The following FGF13 variants were observed in gnomAD, a reference collection of about 807,000 sequenced individuals.
FGF13 encodes fibroblast growth factor 13.
Under a neutral mutation model 19.5 loss-of-function variants are expected in FGF13, and 2 were observed. That is an observed-to-expected ratio of 0.10 (90% CI 0.04 to 0.32). FGF13 has a LOEUF of 0.32. Among genes scored for constraint, FGF13 ranks in the 10% least tolerant of loss-of-function variants. The pLI is 1.00. For missense variants in FGF13, 113 were observed against 192.7 expected, an observed-to-expected ratio of 0.59 and a Z score of 2.45; for synonymous variants, 72 against 76.9, an observed-to-expected ratio of 0.94 and a Z score of 0.33.
chrX:138,858,977 G>A (rs1161462309), intron 2 of FGF13, among the ~76,000 whole-genome samples: 1 of 111,874 alleles, frequency 8.9e-6, no homozygotes, highest in Non-Finnish European at 1.9e-5. Flanking sequence ...ATGAGGGATT[G>A]TTGTCTTCCT....
At chrX:138,765,152 A>G (rs2090494104) in intron 3 of FGF13, among the ~76,000 whole-genome samples, 1 of 112,162 alleles carries the variant, frequency 8.9e-6, no homozygotes. Context: ...ATGAGGCAAT[A>G]ATATATCATT....
chrX:139,092,947 C>T (rs1042186530), intron 1 of FGF13, among the ~76,000 whole-genome samples: 43 of 112,100 alleles, frequency 3.8e-4, no homozygotes, highest in Admixed American at 3.5e-3. Flanking sequence ...TCTGTACCAA[C>T]AGAACACATC....
chrX:139,121,449 G>A (rs1481269767), intron 1 of FGF13, among the ~76,000 whole-genome samples: 1 of 111,224 alleles, frequency 9.0e-6, no homozygotes, highest in East Asian at 2.8e-4. Context: ...ATCCAGGCTG[G>A]AGCACAGTGG....
intron 3 of FGF13, among the ~76,000 whole-genome samples, chrX:138,792,451 A>G (rs1328856521): frequency 6.3e-5 from 7 of 111,689 alleles, no homozygotes; most frequent in Non-Finnish European, 1.3e-4. Context: ...TCCCTAGAGC[A>G]TGTGACCAAA....
At chrX:138,796,023 C>T (rs1176341967) in intron 3 of FGF13, among the ~76,000 whole-genome samples, 3 of 109,746 alleles carry the variant, frequency 2.7e-5, no homozygotes, top group Non-Finnish European at 3.8e-5. Flanking sequence ...ACACATTCTT[C>T]TTGAATTTTT....
chrX:139,136,192 G>GT (rs1298274527), intron 1 of FGF13, among the ~76,000 whole-genome samples: 1 of 110,863 alleles, frequency 9.0e-6, no homozygotes, highest in Non-Finnish European at 1.9e-5. Flanking sequence ...TATGAGTGTT[G>GT]TTTTTTCAAT....
chrX:138,893,178 G>A (rs2091486145), intron 1 of FGF13, among the ~76,000 whole-genome samples: 1 of 111,601 alleles, frequency 9.0e-6, no homozygotes, highest in Non-Finnish European at 1.9e-5. Flanking sequence ...GAAAAGGTCA[G>A]ATGGTATGAG....
At chrX:138,840,337 A>G (rs2091141955) in intron 3 of FGF13, among the ~76,000 whole-genome samples, 1 of 111,830 alleles carries the variant, frequency 8.9e-6, no homozygotes, top group Admixed American at 9.5e-5. Context: ...TCAGTTGGAT[A>G]AACAAACATC....
At position 138,626,034 on chromosome X, in the gene FGF13, G is replaced by T. The variant is rs1396548314; in HGVS notation, c.*6816C>A. 9.0e-6 allele frequency: 1 copy of T among 110,824 alleles called. No individual in the cohort carries two copies. 9.1% of individuals were successfully genotyped at this position (110,824 alleles called of 1,213,427 possible). On this transcript the variant is annotated 3_prime_UTR_variant, in exon 5 of 5. Transcript: ENST00000315930. ...TAGGCAAGGTTGTGAATCATACTTT[G>T]CTCAGAGTCTATTTTCTTTCTTTCA...
chrX:138,845,147 A>G (rs937771372), intron 3 of FGF13, among the ~76,000 whole-genome samples: 1 of 111,314 alleles, frequency 9.0e-6, no homozygotes, highest in African/African-American at 3.3e-5. Flanking sequence ...AAATATATTT[A>G]GCGGGTTTAA....
At chrX:139,198,781 T>A (rs1218321432) in intron 1 of FGF13, among the ~76,000 whole-genome samples, 1 of 110,963 alleles carries the variant, frequency 9.0e-6, no homozygotes, top group Non-Finnish European at 1.9e-5. Context: ...AGGAAAAAAA[T>A]GGCCATCCAA....
intron 1 of FGF13, among the ~76,000 whole-genome samples, chrX:139,174,980 T>C (rs1457813324): frequency 8.9e-6 from 1 of 112,094 alleles, no homozygotes; most frequent in African/African-American, 3.2e-5. Context: ...TATAAATTAC[T>C]ATGGGCAGTA....
chrX:138,743,300 A>G (rs2090332048), upstream of FGF13, among the ~76,000 whole-genome samples: 1 of 111,885 alleles, frequency 8.9e-6, no homozygotes, highest in Non-Finnish European at 1.9e-5. Flanking sequence ...AGGTTACTCC[A>G]TGTGACTCCA....
intron 1 of FGF13, among the ~76,000 whole-genome samples, chrX:139,120,249 A>T (rs763348872): frequency 1.8e-5 from 2 of 112,383 alleles, no homozygotes; most frequent in Non-Finnish European, 3.8e-5. Context: ...GTATCTTTAT[A>T]GCAGTGTGAA....
At chrX:139,070,045 C>T (rs1339492049) in intron 1 of FGF13, among the ~76,000 whole-genome samples, 5 of 112,003 alleles carry the variant, frequency 4.5e-5, no homozygotes, top group African/African-American at 1.3e-4. Context: ...AAAACCTAGG[C>T]AATACCATTC....
At chrX:138,794,973 A>T (rs1481281818) in intron 3 of FGF13, among the ~76,000 whole-genome samples, 1 of 112,275 alleles carries the variant, frequency 8.9e-6, no homozygotes, top group African/African-American at 3.2e-5. Flanking sequence ...AGTATGCAAG[A>T]AGTTAAACTC....
chrX:139,182,812 A>G (rs2084250805), intron 1 of FGF13, among the ~76,000 whole-genome samples: 1 of 112,239 alleles, frequency 8.9e-6, no homozygotes, highest in African/African-American at 3.2e-5. Context: ...AAGTCCATTC[A>G]TTAAAAAAGT....
chrX:138,850,457 G>A lies in FGF13; in HGVS notation c.217+7055C>T, dbSNP rs559664765. 3.9e-4 allele frequency among the ~76,000 whole-genome samples: 44 copies of A among 111,899 alleles called. 2 individuals carry two copies. The South Asian group carries it at 0.017, about 42-fold the overall frequency. ...AATAGAATTAAATACTTTGTGGGGA[G>A]AGGATAGTGTTTACTCACTGCTAAT... is the stretch of plus-strand genomic sequence containing the variant. On this transcript the variant is annotated intron_variant, in intron 3 of 6. Transcript: ENST00000436198.
At chrX:138,708,564 A>G (rs1244204757) in intron 2 of FGF13, among the ~76,000 whole-genome samples, 1 of 112,039 alleles carries the variant, frequency 8.9e-6, no homozygotes, top group Admixed American at 9.4e-5. Context: ...ATAGCCATAA[A>G]TCTATCTAGA....
Sources: gnomAD v4.1 joint callset for allele counts (sites outside exome capture counted in the v4.1 genomes callset) on GRCh38, gnomAD v4.1.1 for gene constraint, MANE v1.5 for transcripts, NCBI Gene and HGNC (gene_info 2026-07-23, HGNC 2026-07-21) for gene names.